Variants in NCKAP5 observed in about 807,000 individuals in gnomAD.
NCKAP5 encodes the protein NCK associated protein 5.
Under a neutral mutation model 167.0 loss-of-function variants are expected in NCKAP5, and 92 were observed. That is an observed-to-expected ratio of 0.55 (90% CI 0.47 to 0.66). The LOEUF (loss-of-function observed/expected upper bound fraction) is 0.66. Ranked by LOEUF, NCKAP5 falls within the 30% of genes least tolerant of loss-of-function variation. The pLI is 0.00. For synonymous variants in NCKAP5, 891 were observed against 877.4 expected (o/e 1.02, Z -0.27); for missense variants, 2,378 against 2,315.0 (o/e 1.03, Z -0.56).
intron 7 of NCKAP5, 79 bp downstream of exon 7, chr2:132,994,073 G>A (rs1047929841): frequency 9.5e-7 from 1 of 1,047,730 alleles, no homozygotes; most frequent in Non-Finnish European, 1.4e-6. Flanking sequence ...TTATCTCTGG[G>A]TTAGAGAGGA....
At chr2:132,933,080 A>G (rs966723524) in intron 8 of NCKAP5, among the ~76,000 whole-genome samples, 6 of 151,732 alleles carry the variant, frequency 4.0e-5, no homozygotes, top group Non-Finnish European at 8.8e-5. Context: ...ACCTGCCACC[A>G]CGCGTGGCTA....
At chr2:133,297,522 AT>A (rs1309322300) in intron 4 of NCKAP5, among the ~76,000 whole-genome samples, 2 of 152,136 alleles carry the variant, frequency 1.3e-5, no homozygotes, top group African/African-American at 4.8e-5. Flanking sequence ...TTATTGCAAT[AT>A]ATTTTTGTGT....
the NCKAP5 span, among the ~76,000 whole-genome samples, chr2:133,585,771 G>C: frequency 1.3e-5 from 2 of 152,162 alleles, no homozygotes; most frequent in African/African-American, 4.8e-5. Flanking sequence ...ACTCAGAGGG[G>C]TTAATTATCT....
rs140694434 is a variant in NCKAP5, at chr2:133,414,881, T to A, written c.69+102577A>T. Among the ~76,000 whole-genome samples the A allele has an allele frequency of 1.2e-3, 183 of 152,054 alleles. 2 individuals are homozygous for A. Among genetic ancestry groups the A allele is most frequent in the African/African-American group, 4.3e-3 (179 of 41,460 alleles). On this transcript the variant is annotated intron_variant, in intron 3 of 19. Transcript: ENST00000409261. ...CACATGAGTTAACTTATCAGGAGAGTTAAATTACATTTAAAATTCAGGGGC... is the reference window on the plus strand; with the variant it reads ...CACATGAGTTAACTTATCAGGAGAGATAAATTACATTTAAAATTCAGGGGC...
chr2:132,874,811 C>T (rs774130604), intron 9 of NCKAP5, among the ~76,000 whole-genome samples: 7 of 152,262 alleles, frequency 4.6e-5, no homozygotes, highest in African/African-American at 9.6e-5. Flanking sequence ...ATGAGGTCTA[C>T]GGATATGCAA....
chr2:132,804,978 G>A (rs546897447), intron 11 of NCKAP5, among the ~76,000 whole-genome samples: 1 of 151,968 alleles, frequency 6.6e-6, no homozygotes, highest in African/African-American at 2.4e-5. Flanking sequence ...CAAATCCTAT[G>A]GAAGTAGCTT....
At chr2:133,567,657 C>CTGTGTGTGTGTGTGTGTGTG (rs3050985) in intron 1 of NCKAP5, among the ~76,000 whole-genome samples, 13 of 130,998 alleles carry the variant, frequency 9.9e-5, no homozygotes, top group East Asian at 6.9e-4. Flanking sequence ...ATGAATGAGC[C>CTGTGTGTGTGTGTGTGTGTG]TGTGTGTGTG....
chr2:133,049,418 G>A lies in NCKAP5; in HGVS notation c.342-55179C>T, dbSNP rs546676098. Among the ~76,000 whole-genome samples the A allele has an allele frequency of 4.6e-5, 7 of 151,906 alleles. No individual in the cohort carries two copies. In the South Asian group the frequency reaches 8.4e-4, roughly 18 times the overall value. On this transcript the variant is annotated intron_variant, in intron 6 of 19. Transcript: ENST00000409261. ...AAATTAGCCAGGCGTGGTGGCAGGC[G>A]CCTGTAGTCACAGCTACTTAGGAGG...
intron 3 of NCKAP5, among the ~76,000 whole-genome samples, chr2:133,386,115 C>T (rs1005771357): frequency 4.6e-5 from 7 of 152,080 alleles, no homozygotes; most frequent in Admixed American, 1.3e-4. Context: ...GCTCTTGCTT[C>T]TCTAGTTATT....
intron 3 of NCKAP5, among the ~76,000 whole-genome samples, chr2:133,402,878 G>A (rs1042556097): frequency 3.3e-5 from 5 of 152,140 alleles, no homozygotes; most frequent in East Asian, 1.9e-4. Context: ...CTTTCACAGC[G>A]ATGCAAATGG....
At chr2:133,637,698 G>A in the NCKAP5 span, among the ~76,000 whole-genome samples, 1 of 151,996 alleles carries the variant, frequency 6.6e-6, no homozygotes, top group African/African-American at 2.4e-5. Context: ...TTCATAAAAT[G>A]TAGCAAATAG....
chr2:133,470,720 GT>G (rs2151279607), intron 3 of NCKAP5, among the ~76,000 whole-genome samples: 1 of 152,344 alleles, frequency 6.6e-6, no homozygotes, highest in African/African-American at 2.4e-5. Context: ...GTGGTGCGCC[GT>G]TTTTTAAGCC....
the NCKAP5 span, among the ~76,000 whole-genome samples, chr2:133,673,194 A>G: frequency 6.6e-6 from 1 of 152,152 alleles, no homozygotes; most frequent in African/African-American, 2.4e-5. Context: ...TGAGTCATTA[A>G]GTCACCTCCA....
chr2:133,502,230 A>G (rs1682583758), intron 3 of NCKAP5, among the ~76,000 whole-genome samples: 1 of 152,166 alleles, frequency 6.6e-6, no homozygotes, highest in Admixed American at 6.5e-5. Flanking sequence ...ATCTAGTTTC[A>G]GAGATAGGGA....
chr2:133,610,069 G>T, the NCKAP5 span, among the ~76,000 whole-genome samples: 1 of 152,074 alleles, frequency 6.6e-6, no homozygotes, highest in Non-Finnish European at 1.5e-5. Flanking sequence ...GCTTTCTTGG[G>T]TCTCCTCCCT....
At chr2:133,396,646 C>T (rs192688386) in intron 3 of NCKAP5, among the ~76,000 whole-genome samples, 2 of 152,172 alleles carry the variant, frequency 1.3e-5, no homozygotes, top group East Asian at 3.9e-4. Flanking sequence ...TTTATAAGGA[C>T]ATCAGTCATA....
At chr2:133,354,447 A>G (rs887572994) in intron 3 of NCKAP5, among the ~76,000 whole-genome samples, 3 of 152,024 alleles carry the variant, frequency 2.0e-5, no homozygotes, top group African/African-American at 7.2e-5. Flanking sequence ...TCTTGCCTAC[A>G]GGGTTCCCTG....
chr2:133,308,029 T>C (rs925778152), intron 3 of NCKAP5, among the ~76,000 whole-genome samples: 4 of 116,982 alleles, frequency 3.4e-5, no homozygotes, highest in African/African-American at 9.1e-5. Flanking sequence ...GAACTGTTAA[T>C]AGAAGGGTGC....
intron 5 of NCKAP5, among the ~76,000 whole-genome samples, chr2:133,148,943 T>C (rs562823299): frequency 6.6e-6 from 1 of 152,302 alleles, no homozygotes; most frequent in Non-Finnish European, 1.5e-5. Context: ...CATTTCTTGA[T>C]GGTCTCCAGA....
Sources: gnomAD v4.1 joint callset for allele counts (sites outside exome capture counted in the v4.1 genomes callset) on GRCh38, gnomAD v4.1.1 for gene constraint, MANE v1.5 for transcripts, NCBI Gene and HGNC (gene_info 2026-07-23, HGNC 2026-07-21) for gene names.